NKAIN3: variants seen among roughly 807,000 people sequenced by gnomAD.
NKAIN3 encodes the protein sodium/potassium-transporting ATPase subunit beta-1-interacting protein 3.
NKAIN3 carries 25 observed loss-of-function variants against 30.2 expected under a neutral mutation model. The observed-to-expected ratio is 0.83, with a 90% CI of 0.60 to 1.16. The LOEUF (loss-of-function observed/expected upper bound fraction) is 1.16, where lower values mean the gene tolerates loss of function less well. Ranked by LOEUF, NKAIN3 falls within the 50% of genes most tolerant of loss-of-function variation. NKAIN3 has a pLI of 0.00. For synonymous variants in NKAIN3, 91 were observed against 89.6 expected (o/e 1.02, Z -0.09); for missense variants, 225 against 254.1 (o/e 0.89, Z 0.78).
At chr8:62,990,511 TA>T in intron 5 of NKAIN3, 1 of 385,608 alleles carries the variant, frequency 2.6e-6, no homozygotes, top group Non-Finnish European at 3.8e-6. Flanking sequence ...GAATTTCCAC[TA>T]AATTCACCAA....
At chr8:62,937,721 C>T (rs1032655121) in intron 5 of NKAIN3, among the ~76,000 whole-genome samples, 2 of 152,054 alleles carry the variant, frequency 1.3e-5, no homozygotes, top group East Asian at 3.9e-4. Flanking sequence ...AGTACAGATA[C>T]AACCACAGAA....
chr8:62,776,089 C>T (rs1010154329), intron 4 of NKAIN3, among the ~76,000 whole-genome samples: 1 of 152,000 alleles, frequency 6.6e-6, no homozygotes, highest in African/African-American at 2.4e-5. Context: ...TATGCCTACT[C>T]CTGCTTTTTG....
intron 4 of NKAIN3, chr8:62,855,766 T>A: frequency 8.5e-7 from 1 of 1,170,366 alleles, no homozygotes; most frequent in Non-Finnish European, 1.3e-6. Flanking sequence ...TGACTTTCAG[T>A]AAAGGGCATC....
chr8:62,956,325 C>A lies in NKAIN3; in HGVS notation c.603+2353C>A, dbSNP rs187546634. 2.5e-3 allele frequency among the ~76,000 whole-genome samples: 383 copies of A among 152,230 alleles called. 3 individuals are homozygous for A. Among genetic ancestry groups the A allele is most frequent in the African/African-American group, 8.7e-3 (362 of 41,544 alleles). On this transcript the variant is annotated intron_variant, in intron 6 of 6. Coordinates refer to ENST00000623646, the MANE Select transcript of NKAIN3 (RefSeq NM_001304533.3). ...TCTTTTATCACAGTGAAGTAGAAAG[C>A]CAGGTTTTGTGAGGAAGCCACTTTA...
At chr8:62,770,530 GAGAC>G (rs1816977884) in intron 4 of NKAIN3, among the ~76,000 whole-genome samples, 1 of 152,134 alleles carries the variant, frequency 6.6e-6, no homozygotes, top group Non-Finnish European at 1.5e-5. Flanking sequence ...TCACATGGTA[GAGAC>G]AGACAGAAAC....
intron 1 of NKAIN3, among the ~76,000 whole-genome samples, chr8:62,385,781 AT>A (rs1485320975): frequency 6.6e-6 from 1 of 152,194 alleles, no homozygotes; most frequent in Non-Finnish European, 1.5e-5. Flanking sequence ...TATAAATGGC[AT>A]CTACAGTATG....
intron 1 of NKAIN3, among the ~76,000 whole-genome samples, chr8:62,266,814 C>G (rs916988828): frequency 6.6e-6 from 1 of 152,212 alleles, no homozygotes; most frequent in African/African-American, 2.4e-5. Context: ...GTTACCACCC[C>G]TTTTCTAGAA....
At chr8:62,496,718 A>G (rs576016003) in intron 1 of NKAIN3, among the ~76,000 whole-genome samples, 19 of 152,288 alleles carry the variant, frequency 1.2e-4, no homozygotes, top group Middle Eastern at 3.4e-3. Context: ...CTGAAAGGCT[A>G]TGAAGACCCG....
At chr8:62,327,956 G>A (rs1815200125) in intron 1 of NKAIN3, among the ~76,000 whole-genome samples, 1 of 151,828 alleles carries the variant, frequency 6.6e-6, no homozygotes, top group Non-Finnish European at 1.5e-5. Context: ...ATTATTTTTA[G>A]CAATGTTTTA....
At chr8:62,524,213 A>AC (rs1373802324) in intron 1 of NKAIN3, among the ~76,000 whole-genome samples, 1 of 143,152 alleles carries the variant, frequency 7.0e-6, no homozygotes, top group Non-Finnish European at 1.6e-5. Context: ...GGCTAAGTCC[A>AC]CCCCCCACCA....
At chr8:62,674,669 G>T (rs1455122658) in intron 3 of NKAIN3, among the ~76,000 whole-genome samples, 1 of 152,188 alleles carries the variant, frequency 6.6e-6, no homozygotes, top group African/African-American at 2.4e-5. Context: ...GATTTTGATT[G>T]GACATGATCA....
At chr8:62,405,952 G>A (rs896566837) in intron 1 of NKAIN3, among the ~76,000 whole-genome samples, 3 of 152,152 alleles carry the variant, frequency 2.0e-5, no homozygotes, top group African/African-American at 4.8e-5. Flanking sequence ...TTACTTGGCT[G>A]TAAATCATTT....
chr8:62,620,952 G>T (rs192008861), intron 3 of NKAIN3, among the ~76,000 whole-genome samples: 2 of 152,274 alleles, frequency 1.3e-5, no homozygotes, highest in Admixed American at 1.3e-4. Context: ...TGGCCTTGAA[G>T]AGTATGAATG....
intron 1 of NKAIN3, among the ~76,000 whole-genome samples, chr8:62,253,417 A>C (rs984898773): frequency 6.6e-6 from 1 of 152,082 alleles, no homozygotes; most frequent in African/African-American, 2.4e-5. Flanking sequence ...CTCTACAAAA[A>C]ATTTTAGCCA....
intron 1 of NKAIN3, among the ~76,000 whole-genome samples, chr8:62,269,083 G>A (rs1338336695): frequency 6.6e-6 from 1 of 152,134 alleles, no homozygotes; most frequent in Non-Finnish European, 1.5e-5. Flanking sequence ...ACAGGACCCT[G>A]CTGTTGTCTT....
intron 1 of NKAIN3, among the ~76,000 whole-genome samples, chr8:62,288,365 A>T (rs575555827): frequency 1.2e-4 from 18 of 152,258 alleles, no homozygotes; most frequent in Non-Finnish European, 2.1e-4. Flanking sequence ...TACATTAGGT[A>T]TATCTCCTAA....
intron 4 of NKAIN3, among the ~76,000 whole-genome samples, chr8:62,828,611 CAGG>C: frequency 8.5e-6 from 1 of 117,022 alleles, no homozygotes; most frequent in South Asian, 2.8e-4. Flanking sequence ...CCCATTGAGA[CAGG>C]AGGAGTCAAC....
At chr8:62,832,272 CACA>C (rs1482959575) in intron 4 of NKAIN3, among the ~76,000 whole-genome samples, 2 of 143,462 alleles carry the variant, frequency 1.4e-5, no homozygotes, top group African/African-American at 5.9e-5. Flanking sequence ...CACACACACA[CACA>C]CACACACACA....
intron 1 of NKAIN3, among the ~76,000 whole-genome samples, chr8:62,363,321 A>C (rs1032513938): frequency 7.9e-5 from 12 of 152,248 alleles, no homozygotes; most frequent in Non-Finnish European, 8.8e-5. Context: ...TCTTGTAAGG[A>C]GAGCTCACTT....
Sources: allele counts gnomAD v4.1 joint callset (sites outside exome capture counted in the v4.1 genomes callset), GRCh38; gene constraint gnomAD v4.1.1; transcripts MANE v1.5; gene names NCBI Gene and HGNC (gene_info 2026-07-23, HGNC 2026-07-21).